The following SLC35A3 variants were observed in gnomAD, a reference collection of about 807,000 sequenced individuals.
SLC35A3 encodes UDP-N-acetylglucosamine transporter.
SLC35A3 carries 26 observed loss-of-function variants against 39.0 expected under a neutral mutation model. The ratio of observed to expected loss-of-function variants is 0.67; its 90% CI spans 0.49 to 0.92. SLC35A3 has a LOEUF of 0.92. SLC35A3 is among the 40% of genes least tolerant of loss of function. The pLI, the probability that SLC35A3 is intolerant of heterozygous loss-of-function variation, is 0.00. For missense variants in SLC35A3, 299 were observed against 371.6 expected (o/e 0.80, Z 1.61); for synonymous variants, 135 against 133.1 (o/e 1.01, Z -0.10).
chr1:99,988,393 A>G (rs1375149187), intron 1 of SLC35A3, among the ~76,000 whole-genome samples: 1 of 151,798 alleles, frequency 6.6e-6, no homozygotes, highest in Non-Finnish European at 1.5e-5. Context: ...GCATTATTCC[A>G]TTGTATGGAT....
At chr1:100,000,352 A>G (rs1289340796) in intron 3 of SLC35A3, among the ~76,000 whole-genome samples, 2 of 152,054 alleles carry the variant, frequency 1.3e-5, no homozygotes, top group Non-Finnish European at 2.9e-5. Context: ...ATTTTTTCAT[A>G]TACCTGTTGG....
intron 7 of SLC35A3, among the ~76,000 whole-genome samples, chr1:100,018,532 A>G (rs974496193): frequency 1.3e-5 from 2 of 152,166 alleles, no homozygotes; most frequent in South Asian, 4.1e-4. Flanking sequence ...TTTATTATTT[A>G]TATGTTCATA....
At chr1:99,970,422 G>T in intron 1 of SLC35A3, 1 of 679,030 alleles carries the variant, frequency 1.5e-6, no homozygotes, top group South Asian at 1.8e-5. Flanking sequence ...AAGGCCCGAG[G>T]AGAGGGGTGT....
chr1:100,021,866 A>G (rs1429934591), intron 7 of SLC35A3, among the ~76,000 whole-genome samples: 1 of 152,196 alleles, frequency 6.6e-6, no homozygotes, highest in Non-Finnish European at 1.5e-5. Context: ...GCTTATTATT[A>G]TCTTGGATTT....
At chr1:99,997,608 G>A (rs903470878) in intron 2 of SLC35A3, among the ~76,000 whole-genome samples, 2 of 147,702 alleles carry the variant, frequency 1.4e-5, no homozygotes, top group South Asian at 4.3e-4. Flanking sequence ...TTTTCTCAAG[G>A]TTATATTGCA....
At chr1:99,970,585 G>A (rs1355940561) in intron 1 of SLC35A3, 5 of 1,536,064 alleles carry the variant, frequency 3.3e-6, no homozygotes, top group East Asian at 4.9e-5. Context: ...AGATGCACCC[G>A]ACCAGCACCT....
chr1:99,987,416 G>T (rs1657809857), intron 1 of SLC35A3, among the ~76,000 whole-genome samples: 1 of 151,550 alleles, frequency 6.6e-6, no homozygotes, highest in African/African-American at 2.4e-5. Flanking sequence ...AAATGCTTAA[G>T]ATCGTTTTTT....
chr1:100,000,211 C>T (rs1264581515), intron 3 of SLC35A3, among the ~76,000 whole-genome samples: 1 of 152,074 alleles, frequency 6.6e-6, no homozygotes, highest in African/African-American at 2.4e-5. Context: ...TGTACAAGAG[C>T]TCCTTTTTCT....
At chr1:100,011,601 A>G in intron 5 of SLC35A3, 68 bp downstream of exon 5, 2 of 514,038 alleles carry the variant, frequency 3.9e-6, no homozygotes, top group East Asian at 8.0e-5. Flanking sequence ...AGATTTCTAT[A>G]TATCTTTAAA....
At chr1:100,020,868 T>C (rs1467474924) in intron 7 of SLC35A3, among the ~76,000 whole-genome samples, 1 of 152,164 alleles carries the variant, frequency 6.6e-6, no homozygotes, top group Non-Finnish European at 1.5e-5. Context: ...AAAGTGTATG[T>C]TGTGTTCACT....
At chr1:100,000,180 A>G (rs1188384926) in intron 3 of SLC35A3, among the ~76,000 whole-genome samples, 1 of 152,146 alleles carries the variant, frequency 6.6e-6, no homozygotes, top group Non-Finnish European at 1.5e-5. Flanking sequence ...AGGCTGTACT[A>G]ATTTACATTC....
In SLC35A3 at chr1:100,022,476, G is replaced by C. The variant is rs778214076; in HGVS notation, c.978G>C (p.Ter326TyrextTer14). 1 of 1,530,654 alleles carries C rather than the reference G, an allele frequency of 6.5e-7. No homozygotes were observed. The highest frequency in any genetic ancestry group is 9.0e-7 in the Non-Finnish European group (1 of 1,110,582). The allele number at this position is 1,530,654 out of a possible 1,614,324, so 94.8% of individuals were successfully genotyped here. A position where few individuals can be genotyped will look rare whatever the true frequency, so the allele number is the denominator to read the frequency against. ...PKPAGNPTKA[*>Y] is the part of the protein sequence containing the mutation. The stretch of plus-strand genomic sequence containing the variant: ...CTGCAGGAAATCCCACTAAAGCATA[G>C]TTGTATACTATCTTTAACTGGTTTT... Residue 326 changes from the stop codon to tyrosine, a stop_lost, in exon 8 of 8, where the codon TAG becomes TAC. Coordinates refer to ENST00000533028, the MANE Select transcript of SLC35A3 (RefSeq NM_012243.3).
intron 1 of SLC35A3, among the ~76,000 whole-genome samples, chr1:99,982,927 C>T (rs1657541502): frequency 6.6e-6 from 1 of 151,934 alleles, no homozygotes; most frequent in Non-Finnish European, 1.5e-5. Flanking sequence ...CAAACAAAAC[C>T]CTGAAATATT....
Position 99,999,319 on chromosome 1 carries a change from G to A in SLC35A3, c.246G>A (p.Met82Ile), listed in dbSNP as rs1453963836. 6.3e-7 allele frequency: 1 copy of A among 1,597,876 alleles called. No individual in the cohort carries two copies. Among genetic ancestry groups the A allele is most frequent in the Non-Finnish European group, 8.5e-7 (1 of 1,171,314 alleles). The change falls in exon 3 of 8, where the codon ATG becomes ATA. Residue 82 changes from methionine to isoleucine, a missense_variant. Met to Ile is a conservative substitution (Grantham distance 10). Coordinates refer to ENST00000533028, the MANE Select transcript of SLC35A3 (RefSeq NM_012243.3). ...VLHDEILNKP[M>I]ETLKLAIPSG... ...ATGATGAAATTCTTAATAAACCTAT[G>A]GAAACACTTAAACTTGCTATTCCAT...
In SLC35A3 at chr1:100,025,734, T is replaced by A. The variant is rs1466647559; in HGVS notation, c.*3258T>A. 2.6e-5 allele frequency: 4 copies of A among 152,182 alleles called. No homozygotes were observed. Among genetic ancestry groups the A allele is most frequent in the African/African-American group, 9.7e-5 (4 of 41,448 alleles). The allele number at this position is 152,182 out of a possible 1,614,324, so 9.4% of individuals were successfully genotyped here. A position where few individuals can be genotyped will look rare whatever the true frequency, so the allele number is the denominator to read the frequency against. On this transcript the variant is annotated 3_prime_UTR_variant, in exon 8 of 8. Transcript: ENST00000533028. ...GATGACCTCCACAGGCCTTACTGTA[T>A]CAAGCTTTTATAATGATGACTCCTT...
chr1:100,021,315 G>T (rs1020603157), intron 7 of SLC35A3, among the ~76,000 whole-genome samples: 4 of 151,476 alleles, frequency 2.6e-5, no homozygotes, highest in Non-Finnish European at 5.9e-5. Flanking sequence ...AGTGAGCCGA[G>T]ATCACACCAC....
In SLC35A3 at chr1:100,015,496, T is replaced by C. The variant is rs769644014; in HGVS notation, c.753+76T>C. On this transcript the variant is annotated intron_variant, in intron 6 of 7. Transcript: ENST00000533028. The stretch of plus-strand genomic sequence containing the variant: ...TAAAGAATCAAAGTAGCTCCTGATA[T>C]ACTGATGTGAGGGGGAAAAGGTCCC... The C allele has an allele frequency of 1.5e-4, 213 of 1,448,416 alleles. 1 individual carries two copies. The highest frequency in any genetic ancestry group is 1.6e-4 in the Non-Finnish European group (180 of 1,101,904). 89.7% of individuals were successfully genotyped at this position (1,448,416 alleles called of 1,614,324 possible).
intron 1 of SLC35A3, among the ~76,000 whole-genome samples, chr1:99,971,793 CTG>C (rs1392517858): frequency 6.6e-6 from 1 of 152,174 alleles, no homozygotes; most frequent in East Asian, 1.9e-4. Context: ...GCCTTCCTTG[CTG>C]TCTTTGTAGA....
chr1:100,004,253 G>A (rs1659038426), intron 3 of SLC35A3, among the ~76,000 whole-genome samples: 1 of 152,114 alleles, frequency 6.6e-6, no homozygotes, highest in Admixed American at 6.6e-5. Context: ...ATGCTTTCTT[G>A]TGTTTTTATC....
Sources: allele counts gnomAD v4.1 joint callset (sites outside exome capture counted in the v4.1 genomes callset), GRCh38; gene constraint gnomAD v4.1.1; transcripts MANE v1.5; gene names NCBI Gene and HGNC (gene_info 2026-07-23, HGNC 2026-07-21).